PRKAR1A: variants seen among roughly 807,000 people sequenced by gnomAD.
PRKAR1A encodes cAMP-dependent protein kinase type I-alpha regulatory subunit.
In PRKAR1A, 3 loss-of-function variants were observed where a neutral mutation model predicts 52.0. The ratio of observed to expected loss-of-function variants is 0.06; its 90% CI spans 0.03 to 0.15. PRKAR1A has a LOEUF of 0.15. Ranked by LOEUF, PRKAR1A falls within the 10% of genes least tolerant of loss-of-function variation. The probability of loss-of-function intolerance (pLI) is 1.00; values close to 1 mark genes in which losing one functional copy is unlikely to be tolerated. For missense variants in PRKAR1A, 240 were observed against 477.4 expected (o/e 0.50, Z 4.63); for synonymous variants, 188 against 168.4 (o/e 1.12, Z -0.90).
chr17:68,434,528 TA>T, the PRKAR1A span: 1 of 1,612,858 alleles, frequency 6.2e-7, no homozygotes, highest in Non-Finnish European at 8.5e-7. Context: ...GCGGGGACTT[TA>T]AAATGGGTTT....
chr17:68,450,581 A>G, the PRKAR1A span: 2 of 1,093,924 alleles, frequency 1.8e-6, no homozygotes, highest in South Asian at 3.2e-5. Context: ...TCTGTTTACA[A>G]TACCCCCGGG....
the PRKAR1A span, among the ~76,000 whole-genome samples, chr17:68,490,664 G>A: frequency 6.6e-6 from 1 of 152,056 alleles, no homozygotes; most frequent in Admixed American, 6.5e-5. Flanking sequence ...GGCGTGTCCT[G>A]TGGTATGGAG....
the PRKAR1A span, among the ~76,000 whole-genome samples, chr17:68,481,540 T>A: frequency 2.6e-5 from 4 of 152,214 alleles, no homozygotes; most frequent in Non-Finnish European, 5.9e-5. Context: ...GCTGCTATAA[T>A]AATCTAATGC....
Position 68,530,000 on chromosome 17 carries a change from T to C in PRKAR1A, c.972T>C (p.Phe324=), listed in dbSNP as rs889274189. ...EVGRLGPSDY[F]GEIALLMNRP... ...GAAGATTGGGGCCTTCTGATTATTT[T>C]GGTATGTATGAATTCCCTCACAATA... Residue 324 remains phenylalanine, a splice_region_variant and synonymous_variant, in exon 10 of 11, where the codon TTT becomes TTC. Transcript: ENST00000589228. The C allele has an allele frequency of 6.2e-7, 1 of 1,613,038 alleles. No individual in the cohort carries two copies. Among genetic ancestry groups the C allele is most frequent in the Non-Finnish European group, 8.5e-7 (1 of 1,179,024 alleles).
At chr17:68,415,367 A>G in the PRKAR1A span, among the ~76,000 whole-genome samples, 12 of 152,290 alleles carry the variant, frequency 7.9e-5, no homozygotes, top group African/African-American at 2.9e-4. Context: ...GTTTTATTCC[A>G]CTGTGGTCTG....
At chr17:68,542,683 C>T in intron 11 of PRKAR1A, 1 of 1,600,394 alleles carries the variant, frequency 6.2e-7, no homozygotes. Context: ...TCACTCGGGC[C>T]AGTACTCTAC....
At chr17:68,439,998 G>A in the PRKAR1A span, among the ~76,000 whole-genome samples, 5 of 152,168 alleles carry the variant, frequency 3.3e-5, no homozygotes, top group African/African-American at 1.2e-4. Context: ...TTCCCAGAAG[G>A]GAAGAAACGT....
the PRKAR1A span, among the ~76,000 whole-genome samples, chr17:68,480,591 A>C: frequency 2.2e-4 from 34 of 152,192 alleles, no homozygotes; most frequent in African/African-American, 6.8e-4. Context: ...TCTGTTGCCC[A>C]GACTGGAGTG....
chr17:68,529,174 G>C (rs971854389), intron 9 of PRKAR1A, among the ~76,000 whole-genome samples, 183 bp downstream of exon 9: 15 of 152,008 alleles, frequency 9.9e-5, no homozygotes, highest in African/African-American at 3.6e-4. Flanking sequence ...CTGTTGTTTG[G>C]TTTTCTGCCA....
chr17:68,511,548 G>C (rs116812344), upstream of PRKAR1A, among the ~76,000 whole-genome samples: 2,626 of 152,316 alleles, frequency 0.017, 87 homozygotes, highest in African/African-American at 0.059. Flanking sequence ...AGGAGTGATG[G>C]GGGGGCACTT....
chr17:68,531,183 G>C lies in PRKAR1A; in HGVS notation c.*734G>C. The C allele has an allele frequency of 9.4e-7, 1 of 1,065,270 alleles. No homozygotes were observed. Among genetic ancestry groups the C allele is most frequent in the Non-Finnish European group, 1.1e-6 (1 of 878,702 alleles). 66.0% of individuals were successfully genotyped at this position (1,065,270 alleles called of 1,614,324 possible). ...AACTAACTCATAGATTGCAAATATT[G>C]GTTAGTATTTAACTACATCTGCCTC... On this transcript the variant is annotated 3_prime_UTR_variant, in exon 11 of 11. Transcript: ENST00000589228.
At chr17:68,520,915 T>G (rs2085583814) in intron 2 of PRKAR1A, among the ~76,000 whole-genome samples, 1 of 152,216 alleles carries the variant, frequency 6.6e-6, no homozygotes, top group Non-Finnish European at 1.5e-5. Context: ...TCATTTATAC[T>G]CTTAAACTGT....
At chr17:68,486,506 C>CTTCCTTCCCTCT in the PRKAR1A span, among the ~76,000 whole-genome samples, 6 of 48,200 alleles carry the variant, frequency 1.2e-4, no homozygotes, top group African/African-American at 3.2e-4. Flanking sequence ...TCCTTCCTTC[C>CTTCCTTCCCTCT]TTCTTTCTTT....
chr17:68,523,748 A>C lies in PRKAR1A; in HGVS notation c.372A>C (p.Thr124=), dbSNP rs750784737. The change falls in exon 4 of 11, where the codon ACA becomes ACC. Residue 124 remains threonine (T), a synonymous_variant. Transcript: ENST00000589228. ...VRKVIPKDYK[T]MAALAKAIEK... The stretch of plus-strand genomic sequence containing the variant: ...AGGTTATACCAAAAGATTACAAGAC[A>C]ATGGCCGCTTTAGCCAAAGCCATTG... 3.1e-6 allele frequency: 5 copies of C among 1,613,624 alleles called. No homozygotes were observed. In the Admixed American group the frequency reaches 8.3e-5, roughly 27 times the overall value.
At chr17:68,546,691 A>T (rs1026864080) in intron 11 of PRKAR1A, among the ~76,000 whole-genome samples, 2 of 152,054 alleles carry the variant, frequency 1.3e-5, no homozygotes, top group Non-Finnish European at 2.9e-5. Context: ...TTATCCGGGC[A>T]TGGTGGCCGG....
intron 11 of PRKAR1A, chr17:68,539,365 T>C (rs1309355498): frequency 1.2e-6 from 2 of 1,613,946 alleles, no homozygotes; most frequent in African/African-American, 2.7e-5. Context: ...GGCGAGAGGA[T>C]GGAGATTTCA....
At chr17:68,513,170 C>T (rs1472063791) in intron 1 of PRKAR1A, 1 of 152,356 alleles carries the variant, frequency 6.6e-6, no homozygotes, top group East Asian at 1.9e-4. Flanking sequence ...GGCCTTCCGA[C>T]TGGCGTAGCT....
At chr17:68,426,412 T>G in the PRKAR1A span, among the ~76,000 whole-genome samples, 3 of 152,212 alleles carry the variant, frequency 2.0e-5, no homozygotes, top group African/African-American at 7.2e-5. Flanking sequence ...GAATTTTTCT[T>G]TGTTGAGGTA....
At chr17:68,533,883 A>G (rs953465545), downstream of PRKAR1A, among the ~76,000 whole-genome samples, 12 of 152,256 alleles carry the variant, frequency 7.9e-5, no homozygotes, top group African/African-American at 2.2e-4. Context: ...GTGTGCCATC[A>G]CACCCAGCTA....
Sources: allele counts gnomAD v4.1 joint callset (sites outside exome capture counted in the v4.1 genomes callset), GRCh38; gene constraint gnomAD v4.1.1; transcripts MANE v1.5; gene names NCBI Gene and HGNC (gene_info 2026-07-23, HGNC 2026-07-21).